The following SS18L1 variants were observed in gnomAD, a reference collection of about 807,000 sequenced individuals.
The protein encoded by SS18L1 is calcium-responsive transactivator.
Under a neutral mutation model 70.3 loss-of-function variants are expected in SS18L1, and 32 were observed. That is an observed-to-expected ratio of 0.46 (90% CI 0.34 to 0.61). The LOEUF (loss-of-function observed/expected upper bound fraction) is 0.61, where lower values mean the gene tolerates loss of function less well. Ranked by LOEUF, SS18L1 falls within the 20% of genes least tolerant of loss-of-function variation. The pLI, the probability that SS18L1 is intolerant of heterozygous loss-of-function variation, is 0.01. For synonymous variants in SS18L1, 237 were observed against 229.7 expected (o/e 1.03, Z -0.29); for missense variants, 430 against 542.1 (o/e 0.79, Z 2.05).
chr20:62,144,995 T>G (rs2056998125), intron 1 of SS18L1, among the ~76,000 whole-genome samples: 1 of 152,234 alleles, frequency 6.6e-6, no homozygotes, highest in Admixed American at 6.5e-5. Flanking sequence ...CCTGTGGAAG[T>G]TGTCCTAAAT....
rs2057286354 is a variant in SS18L1 at position 62,159,520 on chromosome 20, G to A, written c.147-357G>A. Among the ~76,000 whole-genome samples, 2 of 152,124 alleles carry A rather than the reference G, an allele frequency of 1.3e-5. No homozygotes were observed. The highest frequency in any genetic ancestry group is 4.1e-4 in the South Asian group (2 of 4,822). On this transcript the variant is annotated intron_variant, in intron 2 of 10. Transcript: ENST00000331758. This position sits in a 1 kb window ranked among gnomAD's most constrained non-coding sequence, Gnocchi z 4.4. ...CACTGCCTGGCTCAGCTGGACGAGG[G>A]CTCTGTCCCTCTGTCACCTTCGGGC...
intron 8 of SS18L1, among the ~76,000 whole-genome samples, chr20:62,169,335 A>G (rs533664251): frequency 2.0e-5 from 3 of 152,260 alleles, no homozygotes; most frequent in South Asian, 2.1e-4. Context: ...AACCAACACA[A>G]ATGCTTCCGG....
In SS18L1 at chr20:62,143,891, T is replaced by TGGGCC; in HGVS notation, c.69+10_69+14dup. 8.3e-7 allele frequency: 1 copy of TGGGCC among 1,198,918 alleles called. No individual in the cohort carries two copies. The highest frequency in any genetic ancestry group is 1.1e-6 in the Non-Finnish European group (1 of 935,016). The allele number at this position is 1,198,918 out of a possible 1,614,324, so 74.3% of individuals were successfully genotyped here. ...GTTACGCAGCAAACCATCCAGAAGGTGGGCCGGGCCGGAGCGGCGGCGCTG... is the reference window on the plus strand; with the variant it reads ...GTTACGCAGCAAACCATCCAGAAGGTGGGCCGGGCCGGGCCGGAGCGGCGGCGCTG... On this transcript the variant is annotated splice_region_variant and intron_variant, in intron 1 of 10. Transcript: ENST00000331758.
At chr20:62,145,164 T>G (rs1048315183) in intron 1 of SS18L1, among the ~76,000 whole-genome samples, 4 of 152,280 alleles carry the variant, frequency 2.6e-5, no homozygotes, top group African/African-American at 4.8e-5. Context: ...TAAACACTTA[T>G]GTGGCGCTTA....
intron 8 of SS18L1, 101 bp downstream of exon 8, chr20:62,165,615 GT>G (rs2057415379): frequency 9.0e-7 from 1 of 1,113,378 alleles, no homozygotes; most frequent in Non-Finnish European, 1.3e-6. Context: ...CCTTCAGTGA[GT>G]CCCTTAAATC....
At chr20:62,167,979 CTTTTTT>C (rs575045754) in intron 8 of SS18L1, among the ~76,000 whole-genome samples, 4,965 of 105,076 alleles carry the variant, frequency 0.047, 310 homozygotes, top group African/African-American at 0.17. Flanking sequence ...CCAGGCCTGG[CTTTTTT>C]TTTTTTTTTT....
intron 3 of SS18L1, among the ~76,000 whole-genome samples, chr20:62,160,445 T>A (rs1319457759): frequency 6.7e-6 from 1 of 148,368 alleles, no homozygotes. Context: ...CTGGAGCCTC[T>A]CCGGGTGCTT....
chr20:62,179,937 C>T lies in SS18L1; in HGVS notation c.*729C>T, dbSNP rs990178196. The T allele has an allele frequency of 9.0e-6, 2 of 222,058 alleles. No homozygotes were observed. Among genetic ancestry groups the T allele is most frequent in the South Asian group, 1.8e-4 (1 of 5,440 alleles). 13.8% of individuals were successfully genotyped at this position (222,058 alleles called of 1,614,324 possible). On this transcript the variant is annotated 3_prime_UTR_variant, in exon 11 of 11. Coordinates refer to ENST00000331758, the MANE Select transcript of SS18L1 (RefSeq NM_198935.3). Reference sequence around the variant, plus strand: ...CAAATAAATATGAATCCCTAAGGGCCGTGGACAAATTGCCTAACCCAGGGC... The same window carrying T: ...CAAATAAATATGAATCCCTAAGGGCTGTGGACAAATTGCCTAACCCAGGGC...
chr20:62,151,997 C>T (rs916292554), intron 1 of SS18L1, among the ~76,000 whole-genome samples: 1 of 151,318 alleles, frequency 6.6e-6, no homozygotes, highest in Admixed American at 6.6e-5. Flanking sequence ...GCTGGCCTCC[C>T]CCGTTCCCCT....
intron 8 of SS18L1, among the ~76,000 whole-genome samples, chr20:62,167,046 T>G (rs13043497): frequency 0.022 from 2,913 of 130,218 alleles, 42 homozygotes; most frequent in Non-Finnish European, 0.034. Flanking sequence ...TTGTTTGTTT[T>G]TTTTTTTTTT....
intron 8 of SS18L1, among the ~76,000 whole-genome samples, chr20:62,169,920 T>C (rs527898444): frequency 1.1e-3 from 164 of 152,282 alleles, no homozygotes; most frequent in African/African-American, 3.8e-3. Context: ...CGCCAGGTGG[T>C]GACCAGCGTG....
At chr20:62,172,099 G>T (rs1333904901) in intron 8 of SS18L1, among the ~76,000 whole-genome samples, 1 of 151,720 alleles carries the variant, frequency 6.6e-6, no homozygotes, top group African/African-American at 2.4e-5. Flanking sequence ...GTGGGGCGGA[G>T]CTTGCACTGA....
intron 10 of SS18L1, among the ~76,000 whole-genome samples, chr20:62,176,307 C>T (rs181238306): frequency 8.9e-4 from 136 of 152,236 alleles, no homozygotes; most frequent in Admixed American, 3.3e-3. Flanking sequence ...CACTAGAGCC[C>T]AGGAGTTTGA....
At position 62,163,628 on chromosome 20, in the gene SS18L1, G is replaced by A. The variant is rs1270301880; in HGVS notation, c.721+6G>A. The A allele has an allele frequency of 1.9e-6, 3 of 1,566,742 alleles. No individual in the cohort carries two copies. The highest frequency in any genetic ancestry group is 1.2e-5 in the South Asian group (1 of 85,916). ...CTACCGGCCCTCCCAGCAAGGTAAC[G>A]CCCGGCCGGGCCAGGTCGCGGGCAC... is the stretch of plus-strand genomic sequence containing the variant. On this transcript the variant is annotated splice_donor_region_variant and intron_variant, in intron 6 of 10. Coordinates refer to ENST00000331758, the MANE Select transcript of SS18L1 (RefSeq NM_198935.3).
In SS18L1 at chr20:62,143,783, C is replaced by A; in HGVS notation, c.-38C>A. On this transcript the variant is annotated 5_prime_UTR_variant, in exon 1 of 11. Transcript: ENST00000331758. ...GGCCGCCCAGCGCAGCCGGAGTATC[C>A]ACCTCGATGACCACGGGCTGAGCCC... 1 of 1,341,342 alleles carries A rather than the reference C, an allele frequency of 7.5e-7. No homozygotes were observed. Among genetic ancestry groups the A allele is most frequent in the Non-Finnish European group, 9.8e-7 (1 of 1,015,806 alleles). 83.1% of individuals were successfully genotyped at this position (1,341,342 alleles called of 1,614,324 possible).
intron 4 of SS18L1, among the ~76,000 whole-genome samples, chr20:62,162,199 G>A (rs1051210959): frequency 6.6e-6 from 1 of 152,226 alleles, no homozygotes; most frequent in East Asian, 1.9e-4. Context: ...CTGCCCTGCA[G>A]CCTGGGTGAC....
intron 1 of SS18L1, among the ~76,000 whole-genome samples, chr20:62,146,866 C>T (rs117237536): frequency 1.3e-3 from 197 of 151,928 alleles, no homozygotes; most frequent in Non-Finnish European, 2.3e-3. Flanking sequence ...TGATCTGCCC[C>T]CTCCCCCCCT....
chr20:62,154,469 A>T, intron 1 of SS18L1: 1 of 1,027,556 alleles, frequency 9.7e-7, no homozygotes, highest in Non-Finnish European at 1.2e-6. Flanking sequence ...CTCCATGGTG[A>T]GTTCATCTCT....
intron 3 of SS18L1, among the ~76,000 whole-genome samples, chr20:62,160,168 A>G (rs562782895): frequency 1.4e-5 from 2 of 144,532 alleles, no homozygotes; most frequent in East Asian, 4.1e-4. Context: ...TGAGGTGGCC[A>G]GGTCAGAACT....
Sources: gnomAD v4.1 joint callset for allele counts (sites outside exome capture counted in the v4.1 genomes callset) on GRCh38, gnomAD v4.1.1 for gene constraint, Gnocchi (gnomAD v3.1) non-coding constraint, MANE v1.5 for transcripts, NCBI Gene and HGNC (gene_info 2026-07-23, HGNC 2026-07-21) for gene names.